Variants in VIPR1 observed in about 807,000 individuals in gnomAD.
VIPR1 encodes vasoactive intestinal polypeptide receptor 1.
A neutral mutation model predicts 58.8 loss-of-function variants in VIPR1; 59 were observed. The ratio of observed to expected loss-of-function variants is 1.00; its 90% CI spans 0.81 to 1.25. VIPR1 has a LOEUF of 1.25. Ranked by LOEUF, VIPR1 falls within the 50% of genes most tolerant of loss-of-function variation. The pLI, the probability that VIPR1 is intolerant of heterozygous loss-of-function variation, is 0.00. For missense variants in VIPR1, 626 were observed against 602.7 expected (o/e 1.04, Z -0.40); for synonymous variants, 251 against 242.1 (o/e 1.04, Z -0.34).
intron 1 of VIPR1, among the ~76,000 whole-genome samples, chr3:42,503,452 G>A (rs1353633489): frequency 6.6e-6 from 1 of 152,176 alleles, no homozygotes; most frequent in Non-Finnish European, 1.5e-5. Flanking sequence ...CATGGAGAGA[G>A]CTGAGCAGGG....
chr3:42,502,057 G>T (rs1699887857), upstream of VIPR1: 1 of 152,396 alleles, frequency 6.6e-6, no homozygotes, highest in Non-Finnish European at 1.5e-5. Flanking sequence ...GCTTCCTCTC[G>T]CCTGGCTTCT....
At chr3:42,510,226 T>C (rs554241677) in intron 1 of VIPR1, among the ~76,000 whole-genome samples, 14 of 152,334 alleles carry the variant, frequency 9.2e-5, no homozygotes, top group East Asian at 3.9e-4. Context: ...TCTGGGGTGC[T>C]CTTACTCCAC....
At chr3:42,523,627 A>ACACACACT (rs1553638635) in intron 3 of VIPR1, among the ~76,000 whole-genome samples, 1 of 149,108 alleles carries the variant, frequency 6.7e-6, no homozygotes, top group African/African-American at 2.5e-5. Context: ...ACACACACAC[A>ACACACACT]CACACACACA....
At chr3:42,533,485 A>C (rs1701685512) in intron 10 of VIPR1, 1 of 152,066 alleles carries the variant, frequency 6.6e-6, no homozygotes, top group Non-Finnish European at 1.5e-5. Flanking sequence ...GTGCACCCTT[A>C]TCCTCTCCTT....
At chr3:42,527,120 C>G (rs1055126267) in intron 4 of VIPR1, among the ~76,000 whole-genome samples, 8 of 152,124 alleles carry the variant, frequency 5.3e-5, no homozygotes, top group Admixed American at 6.5e-5. Flanking sequence ...TCTTCATTCT[C>G]TCCCTCACCA....
intron 2 of VIPR1, chr3:42,516,707 C>CCAT (rs1700646510): frequency 6.6e-6 from 1 of 152,264 alleles, no homozygotes; most frequent in African/African-American, 2.4e-5. Flanking sequence ...TAAACAAAGT[C>CCAT]CAGCAGCAGC....
chr3:42,490,217 T>C (rs565950567), intron 1 of VIPR1, among the ~76,000 whole-genome samples: 1 of 152,226 alleles, frequency 6.6e-6, no homozygotes, highest in South Asian at 2.1e-4. Flanking sequence ...TTAAATAATC[T>C]GAAAGTTAGG....
Position 42,519,264 on chromosome 3 carries a change from A to T in VIPR1, c.226A>T (p.Thr76Ser). 1 of 1,610,678 alleles carries T rather than the reference A, an allele frequency of 6.2e-7. No homozygotes were observed. Among genetic ancestry groups the T allele is most frequent in the Non-Finnish European group, 8.5e-7 (1 of 1,178,570 alleles). The change falls in exon 3 of 13, where the codon ACC becomes TCC. Residue 76 changes from threonine to serine, a missense_variant. Coordinates refer to ENST00000325123, the MANE Select transcript of VIPR1 (RefSeq NM_004624.4). ...GGACAACCTCACCTGCTGGCCAGCCACCCCTCGGGGCCAGGTAGTTGTCTT... is the reference window on the plus strand; with the variant it reads ...GGACAACCTCACCTGCTGGCCAGCCTCCCCTCGGGGCCAGGTAGTTGTCTT... ...MWDNLTCWPA[T>S]PRGQVVVLAC... is the part of the protein sequence containing the mutation.
chr3:42,530,856 C>CT lies in VIPR1; in HGVS notation c.715dup (p.Tyr239LeufsTer13). ...TCTTCTGGCTGCTGGTGGAGGGCCT[C>CT]TACCTGTACACCCTGCTTGCCGTCT... is the stretch of plus-strand genomic sequence containing the variant. On this transcript the variant is annotated frameshift_variant, in exon 7 of 13. Coordinates refer to ENST00000325123, the MANE Select transcript of VIPR1 (RefSeq NM_004624.4). LOFTEE classifies it high-confidence loss of function. 6.2e-7 allele frequency: 1 copy of CT among 1,614,128 alleles called. No individual in the cohort carries two copies. The highest frequency in any genetic ancestry group is 8.5e-7 in the Non-Finnish European group (1 of 1,179,984).
intron 2 of VIPR1, among the ~76,000 whole-genome samples, chr3:42,514,094 T>C (rs912069933): frequency 6.6e-6 from 1 of 152,122 alleles, no homozygotes; most frequent in Non-Finnish European, 1.5e-5. Context: ...GAAAAGTACA[T>C]GGAGCCAACT....
chr3:42,519,997 T>C (rs1394193496), intron 3 of VIPR1, among the ~76,000 whole-genome samples: 1 of 152,082 alleles, frequency 6.6e-6, no homozygotes, highest in Non-Finnish European at 1.5e-5. Flanking sequence ...TCATCAATAA[T>C]AAAAAGTGCT....
upstream of VIPR1, among the ~76,000 whole-genome samples, chr3:42,501,401 G>A (rs1052128492): frequency 1.3e-5 from 2 of 152,130 alleles, no homozygotes; most frequent in Non-Finnish European, 2.9e-5. This position sits in a 1 kb window ranked among gnomAD's most constrained non-coding sequence, Gnocchi z 4.8. Context: ...CAGGGCTCTG[G>A]GACCCGCTGC....
At chr3:42,497,561 C>A (rs1215180391) in intron 1 of VIPR1, among the ~76,000 whole-genome samples, 1 of 152,214 alleles carries the variant, frequency 6.6e-6, no homozygotes, top group Admixed American at 6.5e-5. Context: ...GTCTCCCACA[C>A]TCCCAACACC....
chr3:42,491,814 A>AT (rs1559473006), intron 1 of VIPR1, among the ~76,000 whole-genome samples: 1 of 152,156 alleles, frequency 6.6e-6, no homozygotes, highest in Non-Finnish European at 1.5e-5. Context: ...ACCTCAAGTG[A>AT]TCCACTGACA....
intron 1 of VIPR1, among the ~76,000 whole-genome samples, chr3:42,503,574 G>A (rs1699975973): frequency 6.6e-6 from 1 of 152,186 alleles, no homozygotes; most frequent in South Asian, 2.1e-4. Flanking sequence ...ATGTGTGGGT[G>A]TGATATGTGT....
intron 1 of VIPR1, among the ~76,000 whole-genome samples, chr3:42,491,761 G>A (rs895887001): frequency 1.3e-5 from 2 of 152,148 alleles, no homozygotes; most frequent in East Asian, 1.9e-4. Flanking sequence ...TTTTAGTAGA[G>A]CTGGGCTTTC....
chr3:42,494,051 A>C (rs2125623554), intron 1 of VIPR1, among the ~76,000 whole-genome samples: 1 of 152,358 alleles, frequency 6.6e-6, no homozygotes, highest in Non-Finnish European at 1.5e-5. Flanking sequence ...CCTAAGGCAC[A>C]GCAGCTGACA....
At chr3:42,534,257 G>T (rs1161033518) in intron 10 of VIPR1, 1 of 152,162 alleles carries the variant, frequency 6.6e-6, no homozygotes, top group Non-Finnish European at 1.5e-5. Flanking sequence ...TTAATTTTGG[G>T]TTGTCCCTGG....
chr3:42,490,526 C>T (rs1477583972), intron 1 of VIPR1, among the ~76,000 whole-genome samples: 1 of 152,224 alleles, frequency 6.6e-6, no homozygotes, highest in African/African-American at 2.4e-5. Context: ...TGGCCAGTTC[C>T]TCCCCTTCCT....
Sources: gnomAD v4.1 joint callset for allele counts (sites outside exome capture counted in the v4.1 genomes callset) on GRCh38, gnomAD v4.1.1 for gene constraint, Gnocchi (gnomAD v3.1) non-coding constraint, MANE v1.5 for transcripts, NCBI Gene and HGNC (gene_info 2026-07-23, HGNC 2026-07-21) for gene names.